The following COL18A1 variants were observed in gnomAD, a reference collection of about 807,000 sequenced individuals.
COL18A1 encodes the protein collagen alpha-1(XVIII) chain.
COL18A1 carries 133 observed loss-of-function variants against 168.0 expected under a neutral mutation model. That is an observed-to-expected ratio of 0.79 (90% CI 0.69 to 0.91). COL18A1 has a LOEUF of 0.91. Among genes scored for constraint, COL18A1 ranks in the 40% least tolerant of loss-of-function variants. The pLI, the probability that COL18A1 is intolerant of heterozygous loss-of-function variation, is 0.00. For missense variants in COL18A1, 2,126 were observed against 1,925.4 expected (o/e 1.10, Z -1.95); for synonymous variants, 949 against 809.0 (o/e 1.17, Z -2.94).
intron 2 of COL18A1, among the ~76,000 whole-genome samples, chr21:45,465,812 C>T (rs961910628): frequency 1.2e-4 from 19 of 152,150 alleles, no homozygotes; most frequent in African/African-American, 4.3e-4. Context: ...CACAGGCGGG[C>T]GTCCGTGGAG....
At position 45,443,368 on chromosome 21, in the gene COL18A1, G is replaced by A. The variant is rs1248694628; in HGVS notation, c.107-24874G>A. Among the ~76,000 whole-genome samples, 1 of 152,154 alleles carries A rather than the reference G, an allele frequency of 6.6e-6. No individual in the cohort carries two copies. Among genetic ancestry groups the A allele is most frequent in the African/African-American group, 2.4e-5 (1 of 41,420 alleles). ...AGAAAACCCAGTTAAGGAGCAACCT[G>A]GTAAACCCTTGAAAACCAAGTGGGC... On this transcript the variant is annotated intron_variant, in intron 2 of 41. Coordinates refer to ENST00000651438, the MANE Select transcript of COL18A1 (RefSeq NM_001379500.1). This position sits in a 1 kb window ranked among gnomAD's most constrained non-coding sequence, Gnocchi z 5.2.
chr21:45,439,168 T>C (rs546018288), intron 2 of COL18A1, among the ~76,000 whole-genome samples: 5 of 152,390 alleles, frequency 3.3e-5, no homozygotes, highest in Admixed American at 1.3e-4. Flanking sequence ...GTTGCTGTTA[T>C]GTACAGTGCT....
rs758851914 is a variant in COL18A1 at position 45,507,601 on chromosome 21, G to A, written c.3249+8G>A. 6.2e-7 allele frequency: 1 copy of A among 1,612,960 alleles called. No homozygotes were observed. The highest frequency in any genetic ancestry group is 1.7e-5 in the Admixed American group (1 of 59,986). ...CCACTCCCACGAGGGACGGTAAGGA[G>A]CCTTTTTTCTGTTGAGACTGGTGGG... is the stretch of plus-strand genomic sequence containing the variant. On this transcript the variant is annotated splice_region_variant and intron_variant, in intron 38 of 41. Coordinates refer to ENST00000651438, the MANE Select transcript of COL18A1 (RefSeq NM_001379500.1).
intron 3 of COL18A1, among the ~76,000 whole-genome samples, chr21:45,470,142 G>A (rs1044682498): frequency 1.3e-5 from 2 of 152,276 alleles, no homozygotes; most frequent in African/African-American, 2.4e-5. Context: ...ACCGCCCTGC[G>A]GTGAGGGCCT....
intron 2 of COL18A1, among the ~76,000 whole-genome samples, chr21:45,437,272 A>T (rs2034150589): frequency 7.6e-6 from 1 of 131,998 alleles, no homozygotes. Flanking sequence ...ACACTCAGAC[A>T]CACAGGCACT....
At chr21:45,437,745 CACTCAG>C (rs1315445137) in intron 2 of COL18A1, among the ~76,000 whole-genome samples, 3 of 78,532 alleles carry the variant, frequency 3.8e-5, no homozygotes, top group East Asian at 3.9e-4. Flanking sequence ...CACACTCACA[CACTCAG>C]ACACAGGCAC....
At chr21:45,479,767 C>T (rs953245268) in intron 9 of COL18A1, 135 bp from the exon 10 acceptor site, 9 of 1,302,354 alleles carry the variant, frequency 6.9e-6, no homozygotes, top group Non-Finnish European at 9.5e-6. Flanking sequence ...CGCCCTCGTA[C>T]TTTCCGGGCC....
intron 9 of COL18A1, 54 bp from the exon 10 acceptor site, chr21:45,479,848 G>T (rs1427431667): frequency 6.2e-7 from 1 of 1,610,442 alleles, no homozygotes; most frequent in African/African-American, 1.3e-5. Flanking sequence ...AGAGTGCTGG[G>T]TGCGGCCCAT....
At chr21:45,477,357 G>C in intron 6 of COL18A1, 54 bp from the exon 7 acceptor site, 1 of 1,492,254 alleles carries the variant, frequency 6.7e-7, no homozygotes, top group South Asian at 1.2e-5. Context: ...GCCGAGAGCA[G>C]AGCTGGGGCC....
At chr21:45,456,184 T>C in intron 2 of COL18A1, 1 of 1,596,682 alleles carries the variant, frequency 6.3e-7, no homozygotes, top group Non-Finnish European at 8.6e-7. Context: ...CAGGTAGAGC[T>C]TCTCTCTCCT....
At chr21:45,448,868 G>A (rs928229729) in intron 2 of COL18A1, among the ~76,000 whole-genome samples, 9 of 152,142 alleles carry the variant, frequency 5.9e-5, no homozygotes, top group South Asian at 2.1e-4. Flanking sequence ...GCCCGCCCCC[G>A]CTGCCCCACC....
chr21:45,411,746 T>A lies in COL18A1; in HGVS notation c.106+6273T>A, dbSNP rs2033295579. 1.7e-4 allele frequency among the ~76,000 whole-genome samples: 7 copies of A among 41,048 alleles called. No homozygotes were observed. In the Admixed American group the frequency reaches 2.5e-3, roughly 15 times the overall value. 26.9% of individuals were successfully genotyped at this position (41,048 alleles called of 152,430 possible). On this transcript the variant is annotated intron_variant, in intron 2 of 41. Coordinates refer to ENST00000651438, the MANE Select transcript of COL18A1 (RefSeq NM_001379500.1). ...ATCTTGGGTGTCACCCCAGCCAGAG[T>A]CAGGGCTGATGGCGGGGGGTGGGGG...
chr21:45,411,988 G>A (rs928892621), intron 2 of COL18A1, among the ~76,000 whole-genome samples: 3 of 152,252 alleles, frequency 2.0e-5, no homozygotes, highest in Non-Finnish European at 4.4e-5. Flanking sequence ...CTAAGGGGCC[G>A]TCGTGTTTCT....
intron 2 of COL18A1, chr21:45,455,865 C>A: frequency 2.5e-6 from 4 of 1,613,126 alleles, no homozygotes; most frequent in Non-Finnish European, 3.4e-6. Context: ...GGTGTCGGAG[C>A]CGAGATCCTG....
rs1260999240 is a variant in COL18A1, at chr21:45,497,629, C to T, written c.2651C>T (p.Ala884Val). The T allele has an allele frequency of 3.8e-6, 6 of 1,569,870 alleles. No individual in the cohort carries two copies. Among genetic ancestry groups the T allele is most frequent in the Admixed American group, 1.9e-5 (1 of 53,744 alleles). ...CAGGGCCCTCCAGGACCCAAGGGCG[C>T]CAAAGGAGAAGTGGGCCCCCCCGGA... is the stretch of plus-strand genomic sequence containing the variant. ...GNQGPPGPKGAKGEVGPPGPP... is the reference protein window; with the variant it reads ...GNQGPPGPKGVKGEVGPPGPP... Residue 884 changes from alanine to valine, a missense_variant, in exon 32 of 42, where the codon GCC becomes GTC. Physicochemically the swap from Ala to Val is moderately conservative, Grantham distance 64. Transcript: ENST00000651438.
intron 32 of COL18A1, among the ~76,000 whole-genome samples, chr21:45,501,585 C>T (rs1046984384): frequency 7.9e-5 from 12 of 152,160 alleles, no homozygotes; most frequent in Non-Finnish European, 1.8e-4. Flanking sequence ...CCAGGGCATC[C>T]TCAGCCCTCA....
Position 45,433,151 on chromosome 21 carries a change from C to T in COL18A1, c.106+27678C>T, listed in dbSNP as rs565223526. On this transcript the variant is annotated intron_variant, in intron 2 of 41. Transcript: ENST00000651438. The stretch of plus-strand genomic sequence containing the variant: ...CACGGACACCCTTTCATGTTTGATT[C>T]CTTCTGACCTTGTGAGTTTATAGAA... 4.6e-5 allele frequency among the ~76,000 whole-genome samples: 7 copies of T among 152,280 alleles called. No homozygotes were observed. The South Asian group carries it at 1.4e-3, about 32-fold the overall frequency.
intron 2 of COL18A1, among the ~76,000 whole-genome samples, chr21:45,437,168 TCTCCTGCACACACACTCA>T (rs2034137617): frequency 1.0e-5 from 1 of 97,366 alleles, no homozygotes; most frequent in African/African-American, 5.7e-5. Context: ...ACACAGGCAC[TCTCCTGCACACACACTCA>T]CACAGACACA....
intron 37 of COL18A1, chr21:45,507,158 CCGGG>C (rs1415509922): frequency 4.4e-5 from 7 of 158,474 alleles, no homozygotes; most frequent in African/African-American, 2.6e-4. Flanking sequence ...GCTGGGAGGG[CCGGG>C]TGTTGGGGAG....
Sources: allele counts gnomAD v4.1 joint callset (sites outside exome capture counted in the v4.1 genomes callset), GRCh38; gene constraint gnomAD v4.1.1; non-coding constraint Gnocchi (gnomAD v3.1); transcripts MANE v1.5; gene names NCBI Gene and HGNC (gene_info 2026-07-23, HGNC 2026-07-21).